Variants in HPSE2 observed in about 807,000 individuals in gnomAD.
HPSE2 encodes inactive heparanase-2.
In HPSE2, 38 loss-of-function variants were observed where a neutral mutation model predicts 60.5. The observed-to-expected ratio is 0.63, with a 90% CI of 0.48 to 0.82. The LOEUF (loss-of-function observed/expected upper bound fraction) is 0.82, where lower values mean the gene tolerates loss of function less well. Among genes scored for constraint, HPSE2 ranks in the 40% least tolerant of loss-of-function variants. The pLI is 0.00. For missense variants in HPSE2, 713 were observed against 740.4 expected, an observed-to-expected ratio of 0.96 and a Z score of 0.43; for synonymous variants, 295 against 293.2, an observed-to-expected ratio of 1.01 and a Z score of -0.06.
At chr10:98,490,681 G>A (rs1941613236) in intron 9 of HPSE2, among the ~76,000 whole-genome samples, 2 of 152,138 alleles carry the variant, frequency 1.3e-5, no homozygotes, top group Non-Finnish European at 2.9e-5. Context: ...CTAGTGCAGT[G>A]GGACTGAGGT....
Position 98,467,457 on chromosome 10 carries a change from T to C in HPSE2, c.1614-7718A>G, listed in dbSNP as rs76938888. ...GGTATGTGACCAGCCGCTTCTGGTC[T>C]CAGTTTCTGGATTGTTAAATGATGA... On this transcript the variant is annotated intron_variant, in intron 11 of 11. Transcript: ENST00000370552. Among the ~76,000 whole-genome samples the C allele has an allele frequency of 3.9e-5, 6 of 152,194 alleles. No homozygotes were observed. The East Asian group carries it at 1.2e-3, about 29-fold the overall frequency.
intron 3 of HPSE2, among the ~76,000 whole-genome samples, chr10:98,948,284 A>G (rs936808340): frequency 6.6e-6 from 1 of 152,192 alleles, no homozygotes; most frequent in Non-Finnish European, 1.5e-5. Context: ...CATGAAAGAT[A>G]TTATAGATAT....
At chr10:99,104,917 T>A in intron 3 of HPSE2, among the ~76,000 whole-genome samples, 1 of 151,114 alleles carries the variant, frequency 6.6e-6, no homozygotes, top group Non-Finnish European at 1.5e-5. Flanking sequence ...TGTCGTGGGG[T>A]CGGGGGAGAG....
In HPSE2 at chr10:98,763,243, G is replaced by GAA. The variant is rs369945559; in HGVS notation, c.611-19189_611-19188dup. Among the ~76,000 whole-genome samples, 772 of 150,632 alleles carry GAA rather than the reference G, an allele frequency of 5.1e-3. 5 individuals carry two copies. The highest frequency in any genetic ancestry group is 6.3e-3 in the Non-Finnish European group (427 of 67,530). On this transcript the variant is annotated intron_variant, in intron 3 of 11. Transcript: ENST00000370552. ...CTCATGTCATTGGCATCCCAAATGA[G>GAA]AAAAGAAAGACATTACTACAGGAAA...
At chr10:98,549,651 T>G (rs1245927528) in intron 9 of HPSE2, among the ~76,000 whole-genome samples, 4 of 152,214 alleles carry the variant, frequency 2.6e-5, no homozygotes, top group Non-Finnish European at 5.9e-5. Context: ...AGTGTTCTTT[T>G]TCATCACTAG....
intron 3 of HPSE2, among the ~76,000 whole-genome samples, chr10:98,797,776 G>A (rs1239350400): frequency 5.9e-5 from 9 of 151,984 alleles, no homozygotes; most frequent in East Asian, 5.8e-4. Context: ...CCTGGGAGAC[G>A]GAGGTTGCGG....
intron 3 of HPSE2, chr10:99,013,240 T>C: frequency 1.5e-6 from 1 of 651,086 alleles, no homozygotes; most frequent in South Asian, 1.5e-5. Context: ...TCTGCTACAG[T>C]TATGCATTTT....
chr10:98,618,432 T>G (rs1945979165), intron 8 of HPSE2, among the ~76,000 whole-genome samples: 1 of 152,162 alleles, frequency 6.6e-6, no homozygotes. Context: ...TGCTGGGCCC[T>G]GCAGCAGCGT....
chr10:98,831,155 AG>A (rs112117250), intron 3 of HPSE2, among the ~76,000 whole-genome samples: 6 of 152,306 alleles, frequency 3.9e-5, no homozygotes, highest in African/African-American at 1.4e-4. Context: ...CAAGAAATCT[AG>A]GGTCTCATCT....
In HPSE2 at chr10:98,699,089, T is replaced by C. The variant is rs1589663016; in HGVS notation, c.957-5142A>G. Among the ~76,000 whole-genome samples, 3 of 152,100 alleles carry C rather than the reference T, an allele frequency of 2.0e-5. No individual in the cohort carries two copies. In the South Asian group the frequency reaches 6.2e-4, roughly 32 times the overall value. On this transcript the variant is annotated intron_variant, in intron 5 of 11. Coordinates refer to ENST00000370552, the MANE Select transcript of HPSE2 (RefSeq NM_021828.5). ...AAGGAGGAACTGGTACCATTCCTTC[T>C]GAAACTATTCCAATCAATAGAAAAA...
At chr10:98,957,616 C>A in intron 3 of HPSE2, among the ~76,000 whole-genome samples, 1 of 152,140 alleles carries the variant, frequency 6.6e-6, no homozygotes, top group South Asian at 2.1e-4. Flanking sequence ...TAAATGCATG[C>A]CCACACAGCA....
At chr10:98,470,142 C>T (rs1474723621) in intron 11 of HPSE2, among the ~76,000 whole-genome samples, 1 of 146,134 alleles carries the variant, frequency 6.8e-6, no homozygotes, top group Non-Finnish European at 1.5e-5. Flanking sequence ...CACATGTTAA[C>T]ACACGTTTTA....
intron 3 of HPSE2, among the ~76,000 whole-genome samples, chr10:99,115,729 T>C (rs1844663369): frequency 6.6e-6 from 1 of 152,202 alleles, no homozygotes; most frequent in Non-Finnish European, 1.5e-5. Flanking sequence ...TTATGAAGGT[T>C]GAATCTAATG....
chr10:99,054,799 C>T lies in HPSE2; in HGVS notation c.610+89439G>A, dbSNP rs148758261. 4.3e-4 allele frequency among the ~76,000 whole-genome samples: 66 copies of T among 152,318 alleles called. 1 individual carries two copies. The East Asian group carries it at 0.011, about 24-fold the overall frequency. The stretch of plus-strand genomic sequence containing the variant: ...AATCTTGGCTCACTGCAACCTCCGC[C>T]TCTTGGGTTCAAACGATTCTCCTGC... On this transcript the variant is annotated intron_variant, in intron 3 of 11. Coordinates refer to ENST00000370552, the MANE Select transcript of HPSE2 (RefSeq NM_021828.5).
intron 6 of HPSE2, among the ~76,000 whole-genome samples, chr10:98,691,036 G>GA (rs1463148251): frequency 1.6e-4 from 24 of 152,110 alleles, no homozygotes; most frequent in African/African-American, 5.8e-4. Context: ...GTCTCCCCCA[G>GA]CCTTTTTTTA....
At chr10:98,949,860 A>C (rs1378238173) in intron 3 of HPSE2, among the ~76,000 whole-genome samples, 2 of 152,180 alleles carry the variant, frequency 1.3e-5, no homozygotes, top group Non-Finnish European at 2.9e-5. Context: ...AAGCAGCTAA[A>C]GGAAAGATAT....
At chr10:99,151,556 T>C (rs145017110) in intron 2 of HPSE2, among the ~76,000 whole-genome samples, 1 of 152,006 alleles carries the variant, frequency 6.6e-6, no homozygotes, top group Non-Finnish European at 1.5e-5. Flanking sequence ...TCTAGATACA[T>C]TATAATAAAA....
intron 3 of HPSE2, among the ~76,000 whole-genome samples, chr10:98,936,978 CAAAAAAA>C (rs1214450704): frequency 3.5e-4 from 11 of 31,002 alleles, no homozygotes; most frequent in Non-Finnish European, 3.0e-4. Flanking sequence ...GACTCCATCT[CAAAAAAA>C]AAAAAAAAAA....
At chr10:99,032,749 C>T (rs532722729) in intron 3 of HPSE2, among the ~76,000 whole-genome samples, 4 of 152,156 alleles carry the variant, frequency 2.6e-5, no homozygotes, top group African/African-American at 9.7e-5. Context: ...AAGGGAGAGT[C>T]TATTTCTTTT....
Sources: allele counts gnomAD v4.1 joint callset (sites outside exome capture counted in the v4.1 genomes callset), GRCh38; gene constraint gnomAD v4.1.1; transcripts MANE v1.5; gene names NCBI Gene and HGNC (gene_info 2026-07-23, HGNC 2026-07-21).